PLA2G5: variants seen among roughly 807,000 people sequenced by gnomAD.
PLA2G5 encodes phospholipase A2 group V, also known as Ca2+-dependent phospholipase A2.
A neutral mutation model predicts 15.9 loss-of-function variants in PLA2G5; 12 were observed. The observed-to-expected ratio is 0.76, with a 90% confidence interval of 0.48 to 1.23. The LOEUF (loss-of-function observed/expected upper bound fraction) is 1.23, where lower values mean the gene tolerates loss of function less well. Ranked by LOEUF, PLA2G5 falls within the 50% of genes most tolerant of loss-of-function variation. The pLI is 0.00. For missense variants in PLA2G5, 169 were observed against 177.1 expected (o/e 0.95, Z 0.26); for synonymous variants, 71 against 71.4 (o/e 0.99, Z 0.03).
intron 1 of PLA2G5, among the ~76,000 whole-genome samples, chr1:20,071,651 G>A (rs764899939): frequency 6.6e-6 from 1 of 152,130 alleles, no homozygotes; most frequent in African/African-American, 2.4e-5. Flanking sequence ...CCCAGCTTCC[G>A]TGTTTCCCAG....
At chr1:20,071,239 T>C (rs1335671066) in intron 1 of PLA2G5, among the ~76,000 whole-genome samples, 1 of 152,280 alleles carries the variant, frequency 6.6e-6, no homozygotes, top group East Asian at 1.9e-4. Flanking sequence ...AAGAACTTAG[T>C]GTGGTATCTG....
chr1:20,035,595 A>C (rs1186151166), intron 1 of PLA2G5, among the ~76,000 whole-genome samples: 1 of 151,712 alleles, frequency 6.6e-6, no homozygotes, highest in Non-Finnish European at 1.5e-5. Context: ...CCTATACCTT[A>C]AGTTTAAGTG....
intron 1 of PLA2G5, among the ~76,000 whole-genome samples, chr1:20,048,588 TATC>T (rs2100390719): frequency 1.3e-5 from 2 of 152,350 alleles, no homozygotes; most frequent in Admixed American, 1.3e-4. Context: ...AAAGGACTGT[TATC>T]ATCTTTATTT....
chr1:20,059,569 A>T (rs899016790), intron 1 of PLA2G5: 1 of 152,208 alleles, frequency 6.6e-6, no homozygotes, highest in African/African-American at 2.4e-5. Context: ...AAATGAAAGG[A>T]TTATTAACTG....
At chr1:20,060,694 A>G (rs1415563547) in intron 2 of PLA2G5, among the ~76,000 whole-genome samples, 1 of 151,918 alleles carries the variant, frequency 6.6e-6, no homozygotes, top group Non-Finnish European at 1.5e-5. Flanking sequence ...GGAGGAGGCC[A>G]ACAGCCCACT....
chr1:20,066,782 G>A (rs1320135129), upstream of PLA2G5, among the ~76,000 whole-genome samples: 3 of 152,102 alleles, frequency 2.0e-5, no homozygotes, highest in Admixed American at 6.5e-5. Flanking sequence ...AGAGGCAGGA[G>A]GACTGCTTGA....
At chr1:20,032,982 A>G (rs1474970852) in intron 1 of PLA2G5, among the ~76,000 whole-genome samples, 3 of 152,208 alleles carry the variant, frequency 2.0e-5, no homozygotes, top group East Asian at 1.9e-4. Flanking sequence ...GCCATTTCCT[A>G]TGGGGATTCC....
intron 1 of PLA2G5, among the ~76,000 whole-genome samples, chr1:20,052,984 C>T (rs1470581751): frequency 6.6e-6 from 1 of 152,166 alleles, no homozygotes; most frequent in African/African-American, 2.4e-5. Flanking sequence ...TGGGTAGTCC[C>T]ACCCTTCTGG....
upstream of PLA2G5, among the ~76,000 whole-genome samples, chr1:20,066,700 T>TTTTTC (rs2015050324): frequency 6.6e-6 from 1 of 152,218 alleles, no homozygotes; most frequent in African/African-American, 2.4e-5. Flanking sequence ...TGGTATTTTA[T>TTTTTC]TTTTCTTTTG....
At chr1:20,039,873 C>T (rs1458078319) in intron 1 of PLA2G5, among the ~76,000 whole-genome samples, 3 of 152,068 alleles carry the variant, frequency 2.0e-5, no homozygotes, top group East Asian at 1.9e-4. Context: ...ATAATGTAAC[C>T]GTCTGTAATA....
chr1:20,057,640 AG>A (rs1357964815), intron 1 of PLA2G5, among the ~76,000 whole-genome samples: 1 of 152,174 alleles, frequency 6.6e-6, no homozygotes, highest in East Asian at 1.9e-4. Flanking sequence ...CTGGGACTAC[AG>A]GCATGTGCCA....
upstream of PLA2G5, among the ~76,000 whole-genome samples, chr1:20,065,586 T>TA (rs2014973273): frequency 6.6e-6 from 1 of 152,246 alleles, no homozygotes; most frequent in Non-Finnish European, 1.5e-5. Context: ...TGTGATTTGA[T>TA]AGCTTATTTC....
At chr1:20,075,274 C>T (rs1029525631) in intron 1 of PLA2G5, among the ~76,000 whole-genome samples, 1 of 152,176 alleles carries the variant, frequency 6.6e-6, no homozygotes, top group African/African-American at 2.4e-5. Flanking sequence ...AGCCTGACCC[C>T]CAAGGGCCTT....
intron 1 of PLA2G5, among the ~76,000 whole-genome samples, chr1:20,077,165 G>A (rs1230127698): frequency 6.6e-6 from 1 of 152,216 alleles, no homozygotes; most frequent in African/African-American, 2.4e-5. Context: ...ATGGATCAGA[G>A]GACAATTTTG....
chr1:20,054,486 C>T (rs1198453373), intron 1 of PLA2G5, among the ~76,000 whole-genome samples: 1 of 151,968 alleles, frequency 6.6e-6, no homozygotes, highest in Non-Finnish European at 1.5e-5. Context: ...TCATTTTGTA[C>T]TTTGCTATTT....
intron 1 of PLA2G5, among the ~76,000 whole-genome samples, chr1:20,075,840 G>T (rs910724752): frequency 2.6e-5 from 4 of 151,212 alleles, no homozygotes; most frequent in African/African-American, 9.7e-5. Context: ...AACTGGAAAT[G>T]GAAATGTGGA....
upstream of PLA2G5, chr1:20,068,895 G>C: frequency 7.8e-7 from 1 of 1,278,458 alleles, no homozygotes; most frequent in Non-Finnish European, 1.0e-6. Context: ...AAGCCTGAGG[G>C]AACACACTCC....
intron 1 of PLA2G5, among the ~76,000 whole-genome samples, chr1:20,032,125 C>T (rs953191103): frequency 6.6e-6 from 1 of 152,128 alleles, no homozygotes; most frequent in Non-Finnish European, 1.5e-5. Context: ...CCTCTAGGGA[C>T]TGTTTGGTTA....
chr1:20,040,382 C>T (rs912485886), intron 1 of PLA2G5, among the ~76,000 whole-genome samples: 8 of 152,194 alleles, frequency 5.3e-5, no homozygotes, highest in Non-Finnish European at 1.0e-4. Flanking sequence ...TGTTTTAGCA[C>T]ATCCTACTTT....
Sources: allele counts gnomAD v4.1 joint callset (sites outside exome capture counted in the v4.1 genomes callset), GRCh38; gene constraint gnomAD v4.1.1; transcripts MANE v1.5; gene names NCBI Gene and HGNC (gene_info 2026-07-23, HGNC 2026-07-21).